Variants in TDRD12 observed in about 807,000 individuals in gnomAD.
TDRD12 encodes the protein putative ATP-dependent RNA helicase TDRD12.
A neutral mutation model predicts 133.5 loss-of-function variants in TDRD12; 158 were observed. The ratio of observed to expected loss-of-function variants is 1.18; its 90% confidence interval spans 1.04 to 1.35. The LOEUF is 1.35. TDRD12 is among the 40% of genes most tolerant of loss of function. The probability of loss-of-function intolerance (pLI) is 0.00; values close to 1 mark genes in which losing one functional copy is unlikely to be tolerated. For missense variants in TDRD12, 1,443 were observed against 1,321.3 expected, an observed-to-expected ratio of 1.09 and a Z score of -1.43; for synonymous variants, 460 against 477.9, an observed-to-expected ratio of 0.96 and a Z score of 0.49.
chr19:32,786,418 C>T (rs527390786), intron 11 of TDRD12, among the ~76,000 whole-genome samples: 21 of 152,182 alleles, frequency 1.4e-4, no homozygotes, highest in African/African-American at 4.8e-4. Flanking sequence ...TTGCTCTTCT[C>T]GAAAGTATCT....
Position 32,772,736 on chromosome 19 carries a change from CCATTTTTATTTTGCAG to C in TDRD12, c.866-16_866-1del. On this transcript the variant is annotated splice_acceptor_variant and splice_polypyrimidine_tract_variant and intron_variant, in intron 8 of 27. Coordinates refer to ENST00000444215, the Ensembl canonical transcript of TDRD12. LOFTEE classifies it high-confidence loss of function. ...ACTTTTTGGTGTAGCTTTTTTATTA[CCATTTTTATTTTGCAG>C]ACAAAGCTGTAAAATGTAATATGGA... The C allele has an allele frequency of 7.0e-7, 1 of 1,431,582 alleles. No individual in the cohort carries two copies. Among genetic ancestry groups the C allele is most frequent in the Non-Finnish European group, 9.3e-7 (1 of 1,074,794 alleles). 88.7% of individuals were successfully genotyped at this position (1,431,582 alleles called of 1,614,324 possible). A position where few individuals can be genotyped will look rare whatever the true frequency, so the allele number is the denominator to read the frequency against.
At chr19:32,804,274 A>T (rs1211305461) in intron 21 of TDRD12, among the ~76,000 whole-genome samples, 1 of 150,972 alleles carries the variant, frequency 6.6e-6, no homozygotes, top group African/African-American at 2.4e-5. Context: ...GGGTTTCACC[A>T]TGTTAGCCAG....
chr19:32,800,238 T>C, exon 17 of TDRD12: 1 of 1,535,196 alleles, frequency 6.5e-7, no homozygotes, highest in East Asian at 2.4e-5. Flanking sequence ...CACATCAGAT[T>C]GTTGCAGTTG....
At chr19:32,761,609 A>G (rs867917855) in intron 8 of TDRD12, among the ~76,000 whole-genome samples, 1 of 152,190 alleles carries the variant, frequency 6.6e-6, no homozygotes, top group Non-Finnish European at 1.5e-5. Flanking sequence ...CTAATGACGT[A>G]GGATGTGAGC....
At chr19:32,729,853 C>T (rs1222179118) in intron 1 of TDRD12, among the ~76,000 whole-genome samples, 7 of 132,778 alleles carry the variant, frequency 5.3e-5, no homozygotes, top group Non-Finnish European at 9.2e-5. Context: ...TGCAGTGGCG[C>T]AATCTCGGCT....
exon 10 of TDRD12, chr19:32,829,316 A>C (rs1188145209): frequency 1.3e-5 from 2 of 152,266 alleles, no homozygotes; most frequent in Non-Finnish European, 2.9e-5. Context: ...CTGCATGCTT[A>C]GATCTGTTTC....
chr19:32,785,482 G>C (rs1194186001), intron 11 of TDRD12, among the ~76,000 whole-genome samples: 1 of 152,072 alleles, frequency 6.6e-6, no homozygotes, highest in African/African-American at 2.4e-5. Flanking sequence ...AGGTCTGCTT[G>C]GTCCAGAGCT....
chr19:32,737,798 C>T (rs1969269536), intron 2 of TDRD12, among the ~76,000 whole-genome samples: 1 of 152,196 alleles, frequency 6.6e-6, no homozygotes, highest in African/African-American at 2.4e-5. Flanking sequence ...GAGCCAGCGT[C>T]CAGTTATGAC....
At chr19:32,724,721 C>T (rs1406418660) in intron 1 of TDRD12, among the ~76,000 whole-genome samples, 1 of 152,080 alleles carries the variant, frequency 6.6e-6, no homozygotes, top group African/African-American at 2.4e-5. Flanking sequence ...GATTGATATT[C>T]CTTTTGGTAT....
At chr19:32,752,174 C>T (rs928128067) in intron 6 of TDRD12, among the ~76,000 whole-genome samples, 2 of 150,888 alleles carry the variant, frequency 1.3e-5, no homozygotes, top group African/African-American at 4.9e-5. Flanking sequence ...ACACCCAGCC[C>T]CCTTCTTCAT....
At position 32,729,546 on chromosome 19, in the gene TDRD12, A is replaced by G. The variant is rs78206552; in HGVS notation, c.25-2179A>G. On this transcript the variant is annotated intron_variant, in intron 1 of 27. Transcript: ENST00000444215. Reference sequence around the variant, plus strand: ...TTTTTATTTTTCATTTATGAAATTTACGTTTTCCACAGCTTGTGTGTGTGT... The same window carrying G: ...TTTTTATTTTTCATTTATGAAATTTGCGTTTTCCACAGCTTGTGTGTGTGT... Among the ~76,000 whole-genome samples the G allele has an allele frequency of 8.5e-3, 1,285 of 151,486 alleles. 39 individuals carry two copies. In the East Asian group the frequency reaches 0.1, roughly 12 times the overall value.
At chr19:32,790,583 C>T in exon 12 of TDRD12, 3 of 1,551,942 alleles carry the variant, frequency 1.9e-6, no homozygotes, top group Non-Finnish European at 2.6e-6. Flanking sequence ...AATCTCTGAT[C>T]TCCAGCAGGT....
At chr19:32,786,271 T>A (rs1319498455) in intron 11 of TDRD12, among the ~76,000 whole-genome samples, 5 of 152,280 alleles carry the variant, frequency 3.3e-5, no homozygotes, top group South Asian at 2.1e-4. Context: ...CTCTTCTGGC[T>A]TATAGTTTCT....
intron 14 of TDRD12, chr19:32,796,243 A>G (rs1287115908): frequency 3.3e-6 from 3 of 906,974 alleles, no homozygotes; most frequent in South Asian, 5.1e-5. Flanking sequence ...TAGGAAAAAT[A>G]CTAGCTCATT....
rs947120657 is a variant in TDRD12 at position 32,826,750 on chromosome 19, G to A, written c.1049+152G>A. On this transcript the variant is annotated intron_variant, in intron 9 of 9. Transcript: ENST00000637289. ...GAAGAGGACAGCCACTTCCCCAAGG[G>A]TAAGGCATAGAGCGCCCACTCTCCG... 6 of 1,231,950 alleles carry A rather than the reference G, an allele frequency of 4.9e-6. No homozygotes were observed. The East Asian group carries it at 9.5e-5, about 19-fold the overall frequency. 76.3% of individuals were successfully genotyped at this position (1,231,950 alleles called of 1,614,324 possible).
At chr19:32,750,322 C>T (rs78142838) in intron 6 of TDRD12, among the ~76,000 whole-genome samples, 6,307 of 152,200 alleles carry the variant, frequency 0.041, 165 homozygotes, top group Non-Finnish European at 0.065. Context: ...TGGCCTCTGC[C>T]CTTTCTGAAG....
chr19:32,721,845 C>A (rs928054269), intron 1 of TDRD12, among the ~76,000 whole-genome samples: 1 of 150,088 alleles, frequency 6.7e-6, no homozygotes, highest in African/African-American at 2.5e-5. Context: ...GTAGCTGGGA[C>A]TACAGGCGGC....
At chr19:32,790,844 G>T (rs1274861034) in intron 12 of TDRD12, 120 bp from the exon 13 acceptor site, 32 of 1,425,890 alleles carry the variant, frequency 2.2e-5, no homozygotes, top group Non-Finnish European at 1.9e-6. Flanking sequence ...TTTTAAGTAA[G>T]CATATATACC....
At chr19:32,795,070 C>T (rs544864675) in intron 14 of TDRD12, among the ~76,000 whole-genome samples, 1 of 152,122 alleles carries the variant, frequency 6.6e-6, no homozygotes, top group Non-Finnish European at 1.5e-5. Flanking sequence ...CACGGTGGCT[C>T]ACGCCTGTAA....
Sources: gnomAD v4.1 joint callset for allele counts (sites outside exome capture counted in the v4.1 genomes callset) on GRCh38, gnomAD v4.1.1 for gene constraint, MANE v1.5 for transcripts, NCBI Gene and HGNC (gene_info 2026-07-23, HGNC 2026-07-21) for gene names.